PLEKHG6: variants seen among roughly 807,000 people sequenced by gnomAD.
PLEKHG6 encodes pleckstrin homology domain-containing family G member 6.
Under a neutral mutation model 97.5 loss-of-function variants are expected in PLEKHG6, and 91 were observed. That is an observed-to-expected ratio of 0.93 (90% CI 0.79 to 1.11). PLEKHG6 has a LOEUF of 1.11. Among genes scored for constraint, PLEKHG6 ranks in the 50% most tolerant of loss-of-function variants. PLEKHG6 has a pLI of 0.00. For missense variants in PLEKHG6, 1,044 were observed against 1,031.0 expected (o/e 1.01, Z -0.17); for synonymous variants, 466 against 425.5 (o/e 1.10, Z -1.17).
chr12:6,313,518 C>A, intron 2 of PLEKHG6, 111 bp from the exon 3 acceptor site: 2 of 1,320,528 alleles, frequency 1.5e-6, no homozygotes, highest in Non-Finnish European at 2.1e-6. Flanking sequence ...GCCAGCCCGA[C>A]TTACCAGGGT....
rs1027858115 is a variant in PLEKHG6 at position 6,313,674 on chromosome 12, G to T, written c.184G>T (p.Gly62Cys). The change falls in exon 3 of 16, where the codon GGT (glycine) becomes TGT (cysteine). Residue 62 changes from glycine (G) to cysteine (C), a missense_variant. Transcript: ENST00000684764. ...CCAGCAGTATGTCCCCTTTGCCAGGGGTTCTGGCCAGGCCCGAGGCCTGTC... is the reference window on the plus strand; with the variant it reads ...CCAGCAGTATGTCCCCTTTGCCAGGTGTTCTGGCCAGGCCCGAGGCCTGTC... Reference protein sequence around the residue: ...RLQQYVPFARGSGQARGLSPM... With the variant: ...RLQQYVPFARCSGQARGLSPM... The T allele has an allele frequency of 1.9e-6, 3 of 1,614,042 alleles. No homozygotes were observed. Among genetic ancestry groups the T allele is most frequent in the Non-Finnish European group, 2.5e-6 (3 of 1,179,982 alleles).
rs1029829502 is a variant in PLEKHG6, at chr12:6,327,619, A to C, written c.2036A>C (p.Asn679Thr). ...GAAGATGGGGCCTCCGAGCGAGGGA[A>C]TGTGGTGGTGGAAACACTCCACAGG... ...EEEDGASERG[N>T]VVVETLHRAR... Residue 679 changes from asparagine to threonine, a missense_variant, in exon 15 of 16, where the codon AAT (asparagine) becomes ACT (threonine). Transcript: ENST00000684764. 6.3e-7 allele frequency: 1 copy of C among 1,578,810 alleles called. No homozygotes were observed. The highest frequency in any genetic ancestry group is 1.8e-5 in the Admixed American group (1 of 54,820).
rs759009094 is a variant in PLEKHG6 at position 6,315,046 on chromosome 12, T to C, written c.336T>C (p.Thr112=). The C allele has an allele frequency of 3.1e-6, 5 of 1,613,846 alleles. No individual in the cohort carries two copies. The highest frequency in any genetic ancestry group is 4.2e-6 in the Non-Finnish European group (5 of 1,180,000). The change falls in exon 4 of 16, where the codon ACT becomes ACC. Residue 112 remains threonine, a synonymous_variant. Coordinates refer to ENST00000684764, the MANE Select transcript of PLEKHG6 (RefSeq NM_001384598.1). The surrounding 1 kb of genome is among the most constrained non-coding windows in gnomAD (Gnocchi z 4.5). ...KAHELEVRLH[T]FSMFGMPRLP... Reference sequence around the variant, plus strand: ...ATGAGCTGGAGGTGAGGCTGCACACTTTCAGCATGTTTGGGATGCCCCGGC... The same window carrying C: ...ATGAGCTGGAGGTGAGGCTGCACACCTTCAGCATGTTTGGGATGCCCCGGC...
In PLEKHG6 at chr12:6,327,530, G is replaced by A. The variant is rs750511515; in HGVS notation, c.1947G>A (p.Leu649=). ...QAPQRRSAPE[L]PEGILKGGSL... ...CTCAACGCCGAAGCGCCCCCGAACT[G>A]CCGGAAGGAATCCTAAAAGGAGGCA... The change falls in exon 15 of 16, where the codon CTG becomes CTA. Residue 649 remains leucine (L), a synonymous_variant. Transcript: ENST00000684764. 3.8e-5 allele frequency: 52 copies of A among 1,360,334 alleles called. No homozygotes were observed. In the Middle Eastern group the frequency reaches 1.2e-3, roughly 32 times the overall value. 84.3% of individuals were successfully genotyped at this position (1,360,334 alleles called of 1,614,324 possible). A position where few individuals can be genotyped will look rare whatever the true frequency, so the allele number is the denominator to read the frequency against.
Position 6,315,807 on chromosome 12 carries a change from TG to T in PLEKHG6, c.556-59del, listed in dbSNP as rs1947436525. 1.4e-6 allele frequency: 2 copies of T among 1,411,980 alleles called. No homozygotes were observed. Among genetic ancestry groups the T allele is most frequent in the Non-Finnish European group, 1.9e-6 (2 of 1,030,456 alleles). The allele number at this position is 1,411,980 out of a possible 1,614,324, so 87.5% of individuals were successfully genotyped here. ...CAGCAGTACTGAAGTTGGTGGGGGGTGGGAGGTGACGACACTGAAGGGCTGC... is the reference window on the plus strand; with the variant it reads ...CAGCAGTACTGAAGTTGGTGGGGGGTGGAGGTGACGACACTGAAGGGCTGC... On this transcript the variant is annotated intron_variant, in intron 5 of 15. Coordinates refer to ENST00000684764, the MANE Select transcript of PLEKHG6 (RefSeq NM_001384598.1). This position sits in a 1 kb window ranked among gnomAD's most constrained non-coding sequence, Gnocchi z 4.5.
chr12:6,317,512 G>C (rs747988545), intron 8 of PLEKHG6, 35 bp from the exon 9 acceptor site: 1 of 1,612,306 alleles, frequency 6.2e-7, no homozygotes, highest in South Asian at 1.1e-5. Flanking sequence ...GGGCAGGAGG[G>C]AGCAAACCCT....
chr12:6,318,173 G>T, intron 10 of PLEKHG6, 128 bp from the exon 11 acceptor site: 1 of 1,479,202 alleles, frequency 6.8e-7, no homozygotes, highest in Non-Finnish European at 9.2e-7. Flanking sequence ...GCCCTGGGAG[G>T]CTTTCTCTAG....
Position 6,318,867 on chromosome 12 carries a change from G to T in PLEKHG6, c.1398G>T (p.Leu466=), listed in dbSNP as rs1453707929. ...LMLEKLVCQP[L]RDPNSFLLIH... Reference sequence around the variant, plus strand: ...TGGAGAAGCTCGTGTGCCAACCCCTGCGAGACCCCAGTACGTCCTTCCTTC... The same window carrying T: ...TGGAGAAGCTCGTGTGCCAACCCCTTCGAGACCCCAGTACGTCCTTCCTTC... The change falls in exon 12 of 16, where the codon CTG becomes CTT. Residue 466 remains leucine (L), a synonymous_variant. Transcript: ENST00000684764. The T allele has an allele frequency of 6.8e-6, 11 of 1,614,224 alleles. No homozygotes were observed. The South Asian group carries it at 1.1e-4, about 16-fold the overall frequency.
chr12:6,316,453 TC>T lies in PLEKHG6; in HGVS notation c.756+50del. 3 of 1,503,200 alleles carry T rather than the reference TC, an allele frequency of 2.0e-6. No homozygotes were observed. The highest frequency in any genetic ancestry group is 2.7e-6 in the Non-Finnish European group (3 of 1,116,794). The allele number at this position is 1,503,200 out of a possible 1,614,324, so 93.1% of individuals were successfully genotyped here. Reference sequence around the variant, plus strand: ...CTGGATGGGGCAGGACTCGGAGCCCTCGGGGGTCCTGTGTGTAGGGCATGCC... The same window carrying T: ...CTGGATGGGGCAGGACTCGGAGCCCTGGGGGTCCTGTGTGTAGGGCATGCC... On this transcript the variant is annotated intron_variant, in intron 7 of 15. Coordinates refer to ENST00000684764, the MANE Select transcript of PLEKHG6 (RefSeq NM_001384598.1). This position sits in a 1 kb window ranked among gnomAD's most constrained non-coding sequence, Gnocchi z 4.1.
intron 10 of PLEKHG6, 137 bp from the exon 11 acceptor site, chr12:6,318,164 C>A: frequency 7.0e-7 from 1 of 1,437,712 alleles, no homozygotes; most frequent in Non-Finnish European, 9.5e-7. Flanking sequence ...AAAAAGGAGG[C>A]CCTGGGAGGC....
At chr12:6,323,759 C>CCG (rs1029406657) in intron 13 of PLEKHG6, among the ~76,000 whole-genome samples, 1 of 152,226 alleles carries the variant, frequency 6.6e-6, no homozygotes, top group African/African-American at 2.4e-5. Context: ...GACAGACAGT[C>CCG]CGCAAGTGGC....
chr12:6,313,414 T>A (rs867182560), intron 2 of PLEKHG6, among the ~76,000 whole-genome samples: 49 of 152,340 alleles, frequency 3.2e-4, no homozygotes, highest in African/African-American at 7.0e-4. Context: ...CAGGCTGTCT[T>A]GCCTCTGCCC....
chr12:6,310,869 GC>G (rs200833549), intron 1 of PLEKHG6, 21 bp downstream of exon 1: 13,020 of 152,652 alleles, frequency 0.085, 625 homozygotes, highest in Admixed American at 0.17. Flanking sequence ...GGAGGGCTAC[GC>G]GGCCCGGGGG....
intron 2 of PLEKHG6, chr12:6,313,242 C>A: frequency 6.7e-7 from 1 of 1,482,676 alleles, no homozygotes; most frequent in Non-Finnish European, 9.2e-7. Context: ...AGGAGAGTTA[C>A]GAGAGACCAG....
intron 13 of PLEKHG6, among the ~76,000 whole-genome samples, chr12:6,323,625 G>A (rs1421868420): frequency 1.3e-5 from 2 of 152,324 alleles, no homozygotes; most frequent in Admixed American, 6.5e-5. Context: ...CAGAGATGGC[G>A]ACCAAGAAAT....
At position 6,327,479 on chromosome 12, in the gene PLEKHG6, T is replaced by TGGGCG; in HGVS notation, c.1896_1897insGGGCG (p.Pro633GlyfsTer24). 2 of 1,603,246 alleles carry TGGGCG rather than the reference T, an allele frequency of 1.2e-6. No homozygotes were observed. Among genetic ancestry groups the TGGGCG allele is most frequent in the Non-Finnish European group, 1.7e-6 (2 of 1,171,700 alleles). On this transcript the variant is annotated frameshift_variant, in exon 15 of 16. Transcript: ENST00000684764. LOFTEE classifies it high-confidence loss of function. ...TGGAACTCCGGGACATCCCTCTGCG[T>TGGGCG]CCCCACCCTCCCGACCCCCAAGCTC...
intron 13 of PLEKHG6, among the ~76,000 whole-genome samples, chr12:6,324,616 C>A (rs914938061): frequency 2.6e-5 from 4 of 152,146 alleles, no homozygotes; most frequent in African/African-American, 9.7e-5. Context: ...AGGTTTCCTA[C>A]CCCCAGGTAC....
intron 13 of PLEKHG6, chr12:6,319,698 C>A: frequency 1.3e-6 from 2 of 1,525,184 alleles, no homozygotes; most frequent in Middle Eastern, 1.7e-4. Flanking sequence ...AAATGATTAA[C>A]TTCTAGAAGT....
intron 1 of PLEKHG6, 38 bp from the exon 2 acceptor site, chr12:6,312,121 T>A: frequency 1.0e-6 from 1 of 1,005,002 alleles, no homozygotes; most frequent in South Asian, 2.2e-5. Context: ...ATTCACTGAT[T>A]GGGGATGGCC....
Sources: gnomAD v4.1 joint callset for allele counts (sites outside exome capture counted in the v4.1 genomes callset) on GRCh38, gnomAD v4.1.1 for gene constraint, Gnocchi (gnomAD v3.1) non-coding constraint, MANE v1.5 for transcripts, NCBI Gene and HGNC (gene_info 2026-07-23, HGNC 2026-07-21) for gene names.